The following ALK variants were observed in gnomAD, a reference collection of about 807,000 sequenced individuals.
ALK encodes the protein ALK tyrosine kinase receptor.
A neutral mutation model predicts 163.1 loss-of-function variants in ALK; 74 were observed. That is an observed-to-expected ratio of 0.45 (90% confidence interval 0.38 to 0.55). ALK has a LOEUF of 0.55. ALK is among the 20% of genes least tolerant of loss of function. The probability of loss-of-function intolerance (pLI) is 0.00; values close to 1 mark genes in which losing one functional copy is unlikely to be tolerated. For synonymous variants in ALK, 960 were observed against 843.2 expected (o/e 1.14, Z -2.40); for missense variants, 2,063 against 2,105.3 (o/e 0.98, Z 0.39).
intron 3 of ALK, among the ~76,000 whole-genome samples, chr2:29,571,914 G>A (rs1252593194): frequency 6.6e-6 from 1 of 152,082 alleles, no homozygotes; most frequent in Non-Finnish European, 1.5e-5. Context: ...GCACCCCACT[G>A]GCAAGTACCT....
rs1668911504 is a variant in ALK at position 29,193,085 on chromosome 2, C to T, written c.*139G>A. The T allele has an allele frequency of 1.1e-6, 1 of 937,120 alleles. No individual in the cohort carries two copies. The highest frequency in any genetic ancestry group is 1.7e-6 in the Non-Finnish European group (1 of 595,794). 58.1% of individuals were successfully genotyped at this position (937,120 alleles called of 1,614,324 possible). A position where few individuals can be genotyped will look rare whatever the true frequency, so the allele number is the denominator to read the frequency against. Reference sequence around the variant, plus strand: ...TTTCTAAAGCATTTTCAAAATACAGCTTTTTTGGTGGTACTTCAAAATAGG... The same window carrying T: ...TTTCTAAAGCATTTTCAAAATACAGTTTTTTTGGTGGTACTTCAAAATAGG... On this transcript the variant is annotated 3_prime_UTR_variant, in exon 29 of 29. Transcript: ENST00000389048.
At chr2:29,442,307 TAA>T (rs67282936) in intron 4 of ALK, among the ~76,000 whole-genome samples, 3,707 of 149,476 alleles carry the variant, frequency 0.025, 156 homozygotes, top group African/African-American at 0.083. Context: ...TCTGATAAAT[TAA>T]AAAAAAAAAA....
intron 3 of ALK, among the ~76,000 whole-genome samples, chr2:29,658,736 TTAAG>T: frequency 6.6e-6 from 1 of 152,284 alleles, no homozygotes; most frequent in Admixed American, 6.5e-5. Context: ...CTAGAGTGGA[TTAAG>T]TGATACAAAT....
intron 3 of ALK, among the ~76,000 whole-genome samples, chr2:29,598,218 G>A (rs1464406282): frequency 6.6e-6 from 1 of 152,168 alleles, no homozygotes; most frequent in Non-Finnish European, 1.5e-5. Context: ...TAGAGACGAG[G>A]TTTCACCATG....
At chr2:29,211,344 T>A (rs17007687) in intron 24 of ALK, among the ~76,000 whole-genome samples, 1 of 101,764 alleles carries the variant, frequency 9.8e-6, no homozygotes. Context: ...AAGAGAAATA[T>A]AGCAAAGTAG....
In ALK at chr2:29,508,616, C is replaced by A. The variant is rs187404989; in HGVS notation, c.1154+23299G>T. 1.7e-3 allele frequency among the ~76,000 whole-genome samples: 259 copies of A among 150,286 alleles called. 1 individual carries two copies. Among genetic ancestry groups the A allele is most frequent in the African/African-American group, 6.0e-3 (244 of 40,848 alleles). On this transcript the variant is annotated intron_variant, in intron 4 of 28. Coordinates refer to ENST00000389048, the MANE Select transcript of ALK (RefSeq NM_004304.5). ...ATGTTAAATGATGAGTTAATGGGTG[C>A]AGCACACCAACATGGCACATGTATA...
At chr2:29,705,345 G>A (rs1313779780) in intron 2 of ALK, among the ~76,000 whole-genome samples, 2 of 141,030 alleles carry the variant, frequency 1.4e-5, no homozygotes, top group African/African-American at 2.6e-5. Context: ...AAAACCCTGA[G>A]ATACCATATA....
intron 1 of ALK, among the ~76,000 whole-genome samples, chr2:29,871,994 C>T (rs1192873875): frequency 6.6e-6 from 1 of 152,208 alleles, no homozygotes; most frequent in Non-Finnish European, 1.5e-5. Context: ...GTCCTCCAAG[C>T]CCTAGACTGG....
At chr2:29,317,197 C>G (rs1666855945) in intron 8 of ALK, among the ~76,000 whole-genome samples, 1 of 152,184 alleles carries the variant, frequency 6.6e-6, no homozygotes, top group South Asian at 2.1e-4. Context: ...TGAATCTGGT[C>G]AGTTTCACAA....
intron 3 of ALK, among the ~76,000 whole-genome samples, chr2:29,599,097 C>T (rs750039193): frequency 2.6e-5 from 4 of 151,856 alleles, no homozygotes; most frequent in Middle Eastern, 6.8e-3. Flanking sequence ...GATAAGTTAC[C>T]CTCTGAGGTA....
At chr2:29,778,925 G>A (rs533424466) in intron 1 of ALK, among the ~76,000 whole-genome samples, 73 of 152,200 alleles carry the variant, frequency 4.8e-4, no homozygotes, top group African/African-American at 1.8e-3. Context: ...GGAGGCTGAG[G>A]CAAGCAGATC....
intron 13 of ALK, among the ~76,000 whole-genome samples, chr2:29,234,627 A>G (rs1032507539): frequency 1.3e-5 from 2 of 152,056 alleles, no homozygotes; most frequent in Non-Finnish European, 2.9e-5. Flanking sequence ...GGGGCCCTCG[A>G]TCTCTGATCT....
At chr2:29,847,884 G>A (rs1665886134) in intron 1 of ALK, among the ~76,000 whole-genome samples, 1 of 151,796 alleles carries the variant, frequency 6.6e-6, no homozygotes, top group African/African-American at 2.4e-5. Flanking sequence ...AGGAGAGGAG[G>A]ATGAGGGTGG....
intron 3 of ALK, among the ~76,000 whole-genome samples, chr2:29,576,300 A>C (rs532796408): frequency 5.9e-5 from 9 of 152,366 alleles, no homozygotes; most frequent in Admixed American, 3.3e-4. Flanking sequence ...CCCAGAGATC[A>C]GGAGCAGAAC....
At position 29,193,275 on chromosome 2, in the gene ALK, G is replaced by A. The variant is rs753750497; in HGVS notation, c.4812C>T (p.Tyr1604=). 276 of 1,614,054 alleles carry A rather than the reference G, an allele frequency of 1.7e-4. No individual in the cohort carries two copies. Among genetic ancestry groups the A allele is most frequent in the Non-Finnish European group, 2.2e-4 (265 of 1,180,016 alleles). Residue 1604 remains tyrosine (Y), a synonymous_variant, in exon 29 of 29, where the codon TAC becomes TAT. Coordinates refer to ENST00000389048, the MANE Select transcript of ALK (RefSeq NM_004304.5). Reference sequence around the variant, plus strand: ...TCTTGCTTTTCAGAATGGTATCCTCGTAATGACCAGCTCCAGGGGCAGTAG... The same window carrying A: ...TCTTGCTTTTCAGAATGGTATCCTCATAATGACCAGCTCCAGGGGCAGTAG... ...EAATAPGAGH[Y]EDTILKSKNS...
At position 29,228,924 on chromosome 2, in the gene ALK, T is replaced by TTC; in HGVS notation, c.2774_2775insGA (p.Gly926LysfsTer14). ...CTCCTCCACCTGAGGAGCACCCCCC[T>TTC]CCACCCCCTCCGAAACCCCCTCTTG... On this transcript the variant is annotated frameshift_variant, in exon 16 of 29. Coordinates refer to ENST00000389048, the MANE Select transcript of ALK (RefSeq NM_004304.5). LOFTEE classifies it high-confidence loss of function. The TTC allele has an allele frequency of 3.9e-5, 21 of 541,012 alleles. No homozygotes were observed. The highest frequency in any genetic ancestry group is 2.2e-4 in the South Asian group (7 of 31,124). The allele number at this position is 541,012 out of a possible 1,614,324, so 33.5% of individuals were successfully genotyped here. A position where few individuals can be genotyped will look rare whatever the true frequency, so the allele number is the denominator to read the frequency against.
rs374663287 is a variant in ALK at position 29,264,780 on chromosome 2, T to G, written c.2041+10319A>C. Among the ~76,000 whole-genome samples, 10 of 152,088 alleles carry G rather than the reference T, an allele frequency of 6.6e-5. No individual in the cohort carries two copies. The East Asian group carries it at 1.9e-3, about 29-fold the overall frequency. On this transcript the variant is annotated intron_variant, in intron 11 of 28. Coordinates refer to ENST00000389048, the MANE Select transcript of ALK (RefSeq NM_004304.5). ...CACTTTTGGCCCTTTGGGGCTCCTG[T>G]TTTAGTGTTAGAATGTTTAAGATGG...
Position 29,212,877 on chromosome 2 carries a change from G to A in ALK, c.3743+1107C>T, listed in dbSNP as rs564426483. Reference sequence around the variant, plus strand: ...TCCCCCACCATGCCTGGCTAATTTTGTATTTTTAGTAGACATGGGGTTGCT... The same window carrying A: ...TCCCCCACCATGCCTGGCTAATTTTATATTTTTAGTAGACATGGGGTTGCT... On this transcript the variant is annotated intron_variant, in intron 24 of 28. Transcript: ENST00000389048. Among the ~76,000 whole-genome samples, 35 of 152,126 alleles carry A rather than the reference G, an allele frequency of 2.3e-4. No homozygotes were observed. In the South Asian group the frequency reaches 7.3e-3, roughly 32 times the overall value.
intron 12 of ALK, among the ~76,000 whole-genome samples, chr2:29,249,835 G>A (rs1037883015): frequency 2.0e-5 from 3 of 152,210 alleles, no homozygotes; most frequent in African/African-American, 2.4e-5. Flanking sequence ...GTGGTCCGGT[G>A]TCTTCCGGGA....
Sources: allele counts gnomAD v4.1 joint callset (sites outside exome capture counted in the v4.1 genomes callset), GRCh38; gene constraint gnomAD v4.1.1; transcripts MANE v1.5; gene names NCBI Gene and HGNC (gene_info 2026-07-23, HGNC 2026-07-21).